The following MARCHF5 variants were observed in gnomAD, a reference collection of about 807,000 sequenced individuals.
MARCHF5 encodes the protein E3 ubiquitin-protein ligase MARCHF5.
Under a neutral mutation model 36.5 loss-of-function variants are expected in MARCHF5, and 5 were observed. The ratio of observed to expected loss-of-function variants is 0.14; its 90% CI spans 0.07 to 0.29. The LOEUF is 0.29. MARCHF5 is among the 10% of genes least tolerant of loss of function. The pLI is 1.00. For synonymous variants in MARCHF5, 103 were observed against 109.9 expected (o/e 0.94, Z 0.39); for missense variants, 179 against 336.3 (o/e 0.53, Z 3.66).
chr10:92,345,972 G>A (rs1843639350), intron 3 of MARCHF5, among the ~76,000 whole-genome samples: 1 of 152,126 alleles, frequency 6.6e-6, no homozygotes, highest in African/African-American at 2.4e-5. Flanking sequence ...TTACAGGCGT[G>A]AGCCACTGTG....
intron 2 of MARCHF5, among the ~76,000 whole-genome samples, chr10:92,337,186 A>G (rs997327592): frequency 2.6e-5 from 4 of 151,638 alleles, no homozygotes; most frequent in African/African-American, 9.7e-5. Context: ...AGTGACCTTG[A>G]TAAGCAGTTT....
chr10:92,340,927 G>T, intron 3 of MARCHF5, 124 bp downstream of exon 3: 1 of 871,020 alleles, frequency 1.1e-6, no homozygotes, highest in Non-Finnish European at 1.6e-6. Flanking sequence ...CTTTCTAAAT[G>T]TTATTTCCCC....
chr10:92,298,028 T>G (rs1842968278), intron 1 of MARCHF5, among the ~76,000 whole-genome samples: 1 of 152,012 alleles, frequency 6.6e-6, no homozygotes, highest in African/African-American at 2.4e-5. Flanking sequence ...CGAATCCCCA[T>G]CTCTACAAAA....
rs1843733809 is a variant in MARCHF5 at position 92,352,725 on chromosome 10, T to A, written c.*1518T>A. On this transcript the variant is annotated 3_prime_UTR_variant, in exon 6 of 6. Coordinates refer to ENST00000358935, the MANE Select transcript of MARCHF5 (RefSeq NM_017824.5). ...GGTTTCTATAGTATGAATGTCTTAA[T>A]TTTGAGTTATATGATGTTTATTTGA... is the stretch of plus-strand genomic sequence containing the variant. The A allele has an allele frequency of 6.6e-6, 1 of 152,596 alleles. No individual in the cohort carries two copies. The highest frequency in any genetic ancestry group is 2.1e-4 in the South Asian group (1 of 4,836). 9.5% of individuals were successfully genotyped at this position (152,596 alleles called of 1,614,324 possible). A position where few individuals can be genotyped will look rare whatever the true frequency, so the allele number is the denominator to read the frequency against.
chr10:92,340,949 T>TA (rs2135214713), intron 3 of MARCHF5, 146 bp downstream of exon 3: 1 of 719,178 alleles, frequency 1.4e-6, no homozygotes, highest in East Asian at 3.2e-5. Context: ...ACTTTTTCTT[T>TA]ACCCAAAAAG....
At chr10:92,340,917 C>G in intron 3 of MARCHF5, 114 bp downstream of exon 3, 4 of 963,570 alleles carry the variant, frequency 4.2e-6, no homozygotes, top group Non-Finnish European at 5.9e-6. Flanking sequence ...TTCTCATGTT[C>G]TTTCTAAATG....
Position 92,291,402 on chromosome 10 carries a change from C to A in MARCHF5, c.-93C>A. ...CGGGTTCGCGGCTGCCGCCGGACTG[C>A]GGCCTACTCCGCCGCCTCTCAGTGC... On this transcript the variant is annotated 5_prime_UTR_variant, in exon 1 of 6. The change creates a premature stop within an existing upstream ORF in the 5' untranslated region. Transcript: ENST00000358935. 1 of 1,161,568 alleles carries A rather than the reference C, an allele frequency of 8.6e-7. No individual in the cohort carries two copies. The highest frequency in any genetic ancestry group is 1.3e-6 in the Non-Finnish European group (1 of 798,798). The allele number at this position is 1,161,568 out of a possible 1,614,324, so 72.0% of individuals were successfully genotyped here.
At chr10:92,306,114 A>C (rs1001089850) in intron 1 of MARCHF5, among the ~76,000 whole-genome samples, 5 of 152,214 alleles carry the variant, frequency 3.3e-5, no homozygotes, top group Admixed American at 2.6e-4. Flanking sequence ...AGCTTTAGGC[A>C]CAGCACATCT....
Position 92,351,519 on chromosome 10 carries a change from TA to T in MARCHF5, c.*319del. The T allele has an allele frequency of 5.3e-6, 1 of 188,126 alleles. No homozygotes were observed. Among genetic ancestry groups the T allele is most frequent in the Non-Finnish European group, 1.1e-5 (1 of 92,078 alleles). The allele number at this position is 188,126 out of a possible 1,614,324, so 11.7% of individuals were successfully genotyped here. On this transcript the variant is annotated 3_prime_UTR_variant, in exon 6 of 6. Coordinates refer to ENST00000358935, the MANE Select transcript of MARCHF5 (RefSeq NM_017824.5). The stretch of plus-strand genomic sequence containing the variant: ...TGCAAAGATCAAACTGTGCAAATAT[TA>T]AAAAAATGCACATGCTGTTTTATTC...
At chr10:92,349,194 A>C (rs1353912182) in intron 3 of MARCHF5, among the ~76,000 whole-genome samples, 155 bp from the exon 4 acceptor site, 4 of 152,238 alleles carry the variant, frequency 2.6e-5, no homozygotes, top group Admixed American at 2.0e-4. Flanking sequence ...TCTTATAAAT[A>C]AATCAGGACT....
At chr10:92,349,963 C>T (rs113260572) in intron 5 of MARCHF5, 126 bp downstream of exon 5, 9 of 712,900 alleles carry the variant, frequency 1.3e-5, no homozygotes, top group African/African-American at 7.1e-5. Context: ...TCTATTTGAG[C>T]CTCACTATCA....
intron 2 of MARCHF5, among the ~76,000 whole-genome samples, chr10:92,330,941 T>C (rs1843428607): frequency 6.6e-6 from 1 of 152,156 alleles, no homozygotes; most frequent in African/African-American, 2.4e-5. Context: ...CCTTCTCATA[T>C]ACAGGGAAGA....
At chr10:92,312,144 TG>T (rs1489525556) in intron 2 of MARCHF5, among the ~76,000 whole-genome samples, 2 of 152,130 alleles carry the variant, frequency 1.3e-5, no homozygotes, top group Non-Finnish European at 2.9e-5. Flanking sequence ...AGAATGTCTT[TG>T]GGGGCAGAGG....
chr10:92,331,917 AATC>A (rs1232409591), intron 2 of MARCHF5, among the ~76,000 whole-genome samples: 3 of 146,304 alleles, frequency 2.1e-5, no homozygotes, highest in Admixed American at 6.9e-5. Flanking sequence ...ATGTATATAT[AATC>A]ATATATATGT....
intron 2 of MARCHF5, among the ~76,000 whole-genome samples, chr10:92,316,710 G>A (rs1423207183): frequency 1.3e-5 from 2 of 151,224 alleles, no homozygotes; most frequent in Non-Finnish European, 3.0e-5. Flanking sequence ...TTACAGGCAC[G>A]TGCCACCACA....
intron 1 of MARCHF5, among the ~76,000 whole-genome samples, chr10:92,304,162 G>A (rs964522678): frequency 6.6e-6 from 1 of 152,136 alleles, no homozygotes; most frequent in African/African-American, 2.4e-5. Context: ...TGAATGCCAG[G>A]GTGCCAAGTA....
intron 2 of MARCHF5, among the ~76,000 whole-genome samples, chr10:92,340,286 T>A (rs534079350): frequency 5.9e-5 from 9 of 152,348 alleles, no homozygotes; most frequent in African/African-American, 1.9e-4. Flanking sequence ...GGAGGCTGTT[T>A]ACGAGAATTT....
chr10:92,303,851 C>T (rs1843043772), intron 1 of MARCHF5, among the ~76,000 whole-genome samples: 1 of 152,052 alleles, frequency 6.6e-6, no homozygotes, highest in Non-Finnish European at 1.5e-5. Context: ...TTAGATTTGT[C>T]TAGTTTAGTT....
intron 3 of MARCHF5, among the ~76,000 whole-genome samples, chr10:92,348,508 G>C (rs140534610): frequency 3.9e-5 from 6 of 151,946 alleles, no homozygotes; most frequent in African/African-American, 1.4e-4. Context: ...AACAAAAAGA[G>C]GTAAATTTAA....
Sources: gnomAD v4.1 joint callset for allele counts (sites outside exome capture counted in the v4.1 genomes callset) on GRCh38, gnomAD v4.1.1 for gene constraint, MANE v1.5 for transcripts, NCBI Gene and HGNC (gene_info 2026-07-23, HGNC 2026-07-21) for gene names.